The following ENTREP2 variants were observed in gnomAD, a reference collection of about 807,000 sequenced individuals.
ENTREP2 encodes endosomal transmembrane epsin interactor 2, also known as protein ENTREP2.
the ENTREP2 span, among the ~76,000 whole-genome samples, chr15:29,410,121 CTT>C: frequency 2.0e-5 from 3 of 152,270 alleles, no homozygotes; most frequent in East Asian, 5.8e-4. Flanking sequence ...AGGCCTGTCT[CTT>C]TGTTTGTATG....
chr15:29,180,612 C>A, the ENTREP2 span, among the ~76,000 whole-genome samples: 1 of 151,868 alleles, frequency 6.6e-6, no homozygotes, highest in Non-Finnish European at 1.5e-5. Context: ...TGCAGTGAGC[C>A]GAGATCACGC....
the ENTREP2 span, among the ~76,000 whole-genome samples, chr15:29,546,464 G>A: frequency 1.3e-5 from 2 of 152,142 alleles, no homozygotes; most frequent in Non-Finnish European, 2.9e-5. Flanking sequence ...GGAAAAGGAT[G>A]ATACAAGTGG....
chr15:29,334,320 C>T, the ENTREP2 span, among the ~76,000 whole-genome samples: 3 of 152,152 alleles, frequency 2.0e-5, no homozygotes, highest in Non-Finnish European at 4.4e-5. Flanking sequence ...GGCCTTCCAT[C>T]GGAGACTACG....
At chr15:29,671,434 C>T in the ENTREP2 span, among the ~76,000 whole-genome samples, 4 of 152,270 alleles carry the variant, frequency 2.6e-5, no homozygotes, top group Admixed American at 6.5e-5. Context: ...CTGGCGTCTG[C>T]GGTGTAGGTG....
At chr15:29,543,643 G>T in the ENTREP2 span, among the ~76,000 whole-genome samples, 1 of 152,104 alleles carries the variant, frequency 6.6e-6, no homozygotes, top group South Asian at 2.1e-4. Context: ...GCCAGGTGTG[G>T]TGGCGGGCAC....
chr15:29,665,995 A>C, the ENTREP2 span, among the ~76,000 whole-genome samples: 1 of 151,398 alleles, frequency 6.6e-6, no homozygotes, highest in Non-Finnish European at 1.5e-5. Context: ...CTGGGATTGC[A>C]GGCACACACC....
chr15:29,672,710 C>A, the ENTREP2 span, among the ~76,000 whole-genome samples: 1 of 152,190 alleles, frequency 6.6e-6, no homozygotes, highest in East Asian at 1.9e-4. Flanking sequence ...TATTACTACT[C>A]AAACCAGTCT....
At chr15:29,146,458 G>A in the ENTREP2 span, among the ~76,000 whole-genome samples, 1 of 152,204 alleles carries the variant, frequency 6.6e-6, no homozygotes, top group South Asian at 2.1e-4. Context: ...ACAGACATAG[G>A]TCAATGGAAT....
the ENTREP2 span, among the ~76,000 whole-genome samples, chr15:29,310,659 GT>G: frequency 6.6e-6 from 1 of 152,212 alleles, no homozygotes; most frequent in African/African-American, 2.4e-5. Context: ...CACAAGGAGA[GT>G]GGGTACATCA....
At chr15:29,282,628 T>C in the ENTREP2 span, among the ~76,000 whole-genome samples, 1 of 152,108 alleles carries the variant, frequency 6.6e-6, no homozygotes, top group East Asian at 1.9e-4. Context: ...ACCTCATGAA[T>C]TCAATATTTT....
At chr15:29,129,575 T>C in the ENTREP2 span, among the ~76,000 whole-genome samples, 2 of 152,256 alleles carry the variant, frequency 1.3e-5, no homozygotes, top group South Asian at 4.1e-4. Context: ...CTCGAACTCC[T>C]GGGGTTAAGC....
chr15:29,607,133 T>G, the ENTREP2 span, among the ~76,000 whole-genome samples: 1 of 152,198 alleles, frequency 6.6e-6, no homozygotes, highest in East Asian at 1.9e-4. Context: ...GCATTCACAT[T>G]TCAATATACA....
the ENTREP2 span, among the ~76,000 whole-genome samples, chr15:29,329,907 C>G: frequency 6.6e-6 from 1 of 152,220 alleles, no homozygotes; most frequent in Admixed American, 6.5e-5. Context: ...GAAAAAATTC[C>G]AAATACTTTA....
the ENTREP2 span, among the ~76,000 whole-genome samples, chr15:29,279,750 A>G: frequency 9.9e-5 from 15 of 152,164 alleles, no homozygotes; most frequent in African/African-American, 2.9e-4. Flanking sequence ...ACCGATCCAC[A>G]TAAGTGGGAT....
chr15:29,233,948 G>A, the ENTREP2 span: 1 of 1,550,434 alleles, frequency 6.4e-7, no homozygotes, highest in Non-Finnish European at 8.9e-7. Flanking sequence ...TTCCATTGCA[G>A]TTTCACTCAC....
the ENTREP2 span, chr15:29,269,278 A>C: frequency 1.2e-6 from 2 of 1,614,088 alleles, no homozygotes; most frequent in African/African-American, 1.3e-5. Flanking sequence ...TTCAAGTTCC[A>C]CCAGCTTATA....
the ENTREP2 span, among the ~76,000 whole-genome samples, chr15:29,316,803 T>G: frequency 6.6e-6 from 1 of 152,186 alleles, no homozygotes; most frequent in Non-Finnish European, 1.5e-5. Context: ...TTGTAAAAAT[T>G]TCCTATGTTT....
the ENTREP2 span, among the ~76,000 whole-genome samples, chr15:29,225,175 C>T: frequency 2.0e-5 from 3 of 152,208 alleles, no homozygotes; most frequent in African/African-American, 7.2e-5. Context: ...CAGCCTTGGC[C>T]AGCCCAGAAA....
chr15:29,482,164 A>ATTTTTTTTTTTTTTTTTTTT, the ENTREP2 span, among the ~76,000 whole-genome samples: 1 of 135,260 alleles, frequency 7.4e-6, no homozygotes, highest in Non-Finnish European at 1.6e-5. Context: ...CAGGCAGCTA[A>ATTTTTTTTTTTTTTTTTTTT]TTTTTTTTTT....
Sources: allele counts gnomAD v4.1 joint callset (sites outside exome capture counted in the v4.1 genomes callset), GRCh38; gene constraint gnomAD v4.1.1; transcripts MANE v1.5; gene names NCBI Gene and HGNC (gene_info 2026-07-23, HGNC 2026-07-21).